The following CPA6 variants were observed in gnomAD, a reference collection of about 807,000 sequenced individuals.
CPA6 encodes the protein carboxypeptidase A6.
A neutral mutation model predicts 63.3 loss-of-function variants in CPA6; 58 were observed. That is an observed-to-expected ratio of 0.92 (90% CI 0.74 to 1.14). The LOEUF is 1.14. CPA6 is among the 50% of genes most tolerant of loss of function. The probability of loss-of-function intolerance (pLI) is 0.00; values close to 1 mark genes in which losing one functional copy is unlikely to be tolerated. For missense variants in CPA6, 565 were observed against 526.6 expected (o/e 1.07, Z -0.71); for synonymous variants, 185 against 179.0 (o/e 1.03, Z -0.27).
At chr8:67,710,820 T>C (rs74324047) in intron 1 of CPA6, among the ~76,000 whole-genome samples, 1 of 152,276 alleles carries the variant, frequency 6.6e-6, no homozygotes, top group Non-Finnish European at 1.5e-5. Context: ...CTTAGGTCTC[T>C]CAAGTTCAGA....
chr8:67,648,956 T>C (rs1320293059), intron 1 of CPA6, among the ~76,000 whole-genome samples: 2 of 152,168 alleles, frequency 1.3e-5, no homozygotes, highest in Admixed American at 1.3e-4. Context: ...TGATTTTAGT[T>C]TGGTTTGGGG....
chr8:67,553,770 T>G (rs1813001488), intron 2 of CPA6, among the ~76,000 whole-genome samples: 1 of 152,148 alleles, frequency 6.6e-6, no homozygotes, highest in South Asian at 2.1e-4. Flanking sequence ...TACTAAAAAA[T>G]AATAAAAATA....
chr8:67,614,694 T>A (rs1297136317), intron 2 of CPA6, among the ~76,000 whole-genome samples: 1 of 152,224 alleles, frequency 6.6e-6, no homozygotes. Context: ...ACTATGCCTG[T>A]GTTTGCAACT....
At chr8:67,564,527 T>A (rs748724783) in intron 2 of CPA6, among the ~76,000 whole-genome samples, 8 of 152,136 alleles carry the variant, frequency 5.3e-5, no homozygotes, top group Non-Finnish European at 8.8e-5. Context: ...AAAACTGAAT[T>A]CTTATACAAG....
rs573992581 is a variant in CPA6 at position 67,667,165 on chromosome 8, G to C, written c.117-42914C>G. 5.9e-5 allele frequency among the ~76,000 whole-genome samples: 9 copies of C among 152,282 alleles called. No homozygotes were observed. The South Asian group carries it at 1.7e-3, about 28-fold the overall frequency. ...AACTTGCTGGTGGACTCCCATTGCT[G>C]CTTTGATGACCTTTGAGAAAGAAAT... is the stretch of plus-strand genomic sequence containing the variant. On this transcript the variant is annotated intron_variant, in intron 1 of 10. Transcript: ENST00000297770.
At chr8:67,624,120 C>T in intron 2 of CPA6, 56 bp downstream of exon 2, 1 of 1,050,890 alleles carries the variant, frequency 9.5e-7, no homozygotes, top group South Asian at 1.4e-5. Context: ...GTCAGCAAAT[C>T]CCTGTAAACA....
intron 1 of CPA6, among the ~76,000 whole-genome samples, chr8:67,651,249 T>C (rs1815830036): frequency 6.6e-6 from 1 of 152,182 alleles, no homozygotes; most frequent in African/African-American, 2.4e-5. Context: ...GTTGTAGGAC[T>C]TTTTAATGTG....
At chr8:67,700,670 G>A (rs757307936) in intron 1 of CPA6, among the ~76,000 whole-genome samples, 6 of 152,144 alleles carry the variant, frequency 3.9e-5, no homozygotes, top group Admixed American at 1.3e-4. Flanking sequence ...TTTGGTTGAG[G>A]TTTGCAGTAA....
At chr8:67,631,866 AC>A (rs1422892159) in intron 1 of CPA6, among the ~76,000 whole-genome samples, 6 of 151,966 alleles carry the variant, frequency 3.9e-5, no homozygotes, top group African/African-American at 1.5e-4. Context: ...TGTAACACTC[AC>A]CGCAAAGGTC....
chr8:67,631,711 CT>C (rs1815335601), intron 1 of CPA6, among the ~76,000 whole-genome samples: 1 of 152,238 alleles, frequency 6.6e-6, no homozygotes, highest in African/African-American at 2.4e-5. Context: ...TGCAATAACA[CT>C]TGCTGGTGCT....
At chr8:67,463,130 A>G (rs1315111998) in intron 8 of CPA6, among the ~76,000 whole-genome samples, 1 of 152,196 alleles carries the variant, frequency 6.6e-6, no homozygotes, top group Non-Finnish European at 1.5e-5. Flanking sequence ...ACATACTATT[A>G]AAAGCAAATT....
chr8:67,688,813 T>A (rs901301900), intron 1 of CPA6, among the ~76,000 whole-genome samples: 1 of 152,190 alleles, frequency 6.6e-6, no homozygotes. Flanking sequence ...GCAGCTCTTA[T>A]GATCCTGGGA....
intron 1 of CPA6, among the ~76,000 whole-genome samples, chr8:67,686,572 T>C (rs6993394): frequency 0.47 from 71,722 of 152,108 alleles, 20,061 homozygotes; most frequent in African/African-American, 0.79. Flanking sequence ...CGCAAACCCA[T>C]TGTATACTGC....
chr8:67,470,569 C>T (rs1322731748), intron 8 of CPA6, among the ~76,000 whole-genome samples: 1 of 152,088 alleles, frequency 6.6e-6, no homozygotes, highest in African/African-American at 2.4e-5. Flanking sequence ...ATTTCTTTAA[C>T]CTACCAGAGT....
intron 2 of CPA6, among the ~76,000 whole-genome samples, chr8:67,584,185 A>G (rs902064867): frequency 2.0e-5 from 3 of 152,108 alleles, no homozygotes; most frequent in African/African-American, 7.2e-5. Flanking sequence ...ACAAACAAAA[A>G]AAGTGCTCAG....
At chr8:67,547,992 T>A (rs772484947) in intron 2 of CPA6, among the ~76,000 whole-genome samples, 28 of 152,224 alleles carry the variant, frequency 1.8e-4, no homozygotes, top group Non-Finnish European at 3.7e-4. Context: ...ATATTCTATG[T>A]GATGCTCAGG....
intron 2 of CPA6, 43 bp from the exon 3 acceptor site, chr8:67,518,090 G>A (rs750637397): frequency 6.7e-7 from 1 of 1,489,724 alleles, no homozygotes; most frequent in Non-Finnish European, 8.9e-7. Flanking sequence ...CCAACGTAGG[G>A]GGGGAAAATC....
intron 2 of CPA6, among the ~76,000 whole-genome samples, chr8:67,539,215 T>G (rs1812654490): frequency 6.6e-6 from 1 of 152,190 alleles, no homozygotes; most frequent in Non-Finnish European, 1.5e-5. Context: ...TGCCCAGAGT[T>G]TACTTGTCTG....
At chr8:67,655,031 G>A (rs915921489) in intron 1 of CPA6, among the ~76,000 whole-genome samples, 3 of 152,120 alleles carry the variant, frequency 2.0e-5, no homozygotes, top group African/African-American at 4.8e-5. Context: ...TTAGCATACA[G>A]GCATTCTTTG....
Sources: gnomAD v4.1 joint callset for allele counts (sites outside exome capture counted in the v4.1 genomes callset) on GRCh38, gnomAD v4.1.1 for gene constraint, MANE v1.5 for transcripts, NCBI Gene and HGNC (gene_info 2026-07-23, HGNC 2026-07-21) for gene names.